The following SPECC1 variants were observed in gnomAD, a reference collection of about 807,000 sequenced individuals.
SPECC1 encodes sperm antigen with calponin homology and coiled-coil domains 1.
SPECC1 carries 62 observed loss-of-function variants against 104.1 expected under a neutral mutation model. The observed-to-expected ratio is 0.60, with a 90% CI of 0.49 to 0.74. SPECC1 has a LOEUF of 0.74. SPECC1 is among the 30% of genes least tolerant of loss of function. SPECC1 has a pLI of 0.00. For synonymous variants in SPECC1, 513 were observed against 501.6 expected (o/e 1.02, Z -0.30); for missense variants, 1,306 against 1,310.5 (o/e 1.00, Z 0.05).
At chr17:20,166,938 T>A (rs1338058776) in intron 3 of SPECC1, among the ~76,000 whole-genome samples, 1 of 151,834 alleles carries the variant, frequency 6.6e-6, no homozygotes, top group Non-Finnish European at 1.5e-5. Flanking sequence ...TGAGACACCA[T>A]CTGTACAAAA....
chr17:20,086,059 C>G (rs1202168514), intron 1 of SPECC1, among the ~76,000 whole-genome samples: 1 of 150,076 alleles, frequency 6.7e-6, no homozygotes, highest in Non-Finnish European at 1.5e-5. Context: ...CTCTACCTGG[C>G]CAGGCACTTT....
chr17:20,010,076 T>C (rs2043884708), intron 1 of SPECC1: 1 of 151,156 alleles, frequency 6.6e-6, no homozygotes, highest in Non-Finnish European at 1.5e-5. Context: ...GGTGCGGACC[T>C]GCGGGCGTGC....
rs2036688323 is a variant in SPECC1, at chr17:20,205,099, T to C, written c.1050T>C (p.Phe350=). ...CCCTGTCCTCCACCAGTAACCCCTT[T>C]AAGAGTTCAAAGTGTTCTACTGCTG... ...SRPLSSTSNP[F]KSSKCSTAGS... The change falls in exon 4 of 15, where the codon TTT becomes TTC. Residue 350 remains phenylalanine (F), a synonymous_variant. Transcript: ENST00000395527. 1 of 1,614,030 alleles carries C rather than the reference T, an allele frequency of 6.2e-7. No individual in the cohort carries two copies. The highest frequency in any genetic ancestry group is 1.1e-5 in the South Asian group (1 of 91,076).
rs906973497 is a variant in SPECC1 at position 20,288,356 on chromosome 17, G to A, written c.2941-8605G>A. On this transcript the variant is annotated intron_variant, in intron 12 of 14. Transcript: ENST00000395527. The stretch of plus-strand genomic sequence containing the variant: ...ATGGTTTTTCTTCTAGATCTTTGAG[G>A]ACTACAAGGAACTTAAACAAATTTA... Among the ~76,000 whole-genome samples the A allele has an allele frequency of 2.0e-5, 3 of 151,762 alleles. No individual in the cohort carries two copies. In the East Asian group the frequency reaches 5.8e-4, roughly 29 times the overall value.
intron 13 of SPECC1, among the ~76,000 whole-genome samples, chr17:20,303,252 T>A (rs757150027): frequency 4.6e-5 from 7 of 152,218 alleles, no homozygotes; most frequent in Non-Finnish European, 1.0e-4. Context: ...AATAGGAGAT[T>A]GCTGCCATTA....
intron 3 of SPECC1, among the ~76,000 whole-genome samples, chr17:20,187,090 G>A (rs1336741988): frequency 1.3e-5 from 2 of 151,886 alleles, no homozygotes; most frequent in African/African-American, 4.8e-5. Context: ...TAGCAATTGA[G>A]CATCCCTAAT....
intron 1 of SPECC1, among the ~76,000 whole-genome samples, chr17:20,026,562 C>T (rs913158158): frequency 2.0e-5 from 3 of 149,572 alleles, no homozygotes; most frequent in Non-Finnish European, 2.9e-5. Flanking sequence ...TTACTTATTT[C>T]ATTAAATATA....
intron 12 of SPECC1, among the ~76,000 whole-genome samples, chr17:20,278,727 T>C (rs1221053313): frequency 1.3e-5 from 2 of 151,908 alleles, no homozygotes; most frequent in Non-Finnish European, 2.9e-5. Flanking sequence ...CTCTTTTTTT[T>C]TTTAAAGGTT....
chr17:20,086,682 G>A (rs1005078105), intron 1 of SPECC1, among the ~76,000 whole-genome samples: 5 of 152,154 alleles, frequency 3.3e-5, no homozygotes, highest in African/African-American at 1.2e-4. Context: ...GAGGGGCAGT[G>A]GACGTGGTGA....
chr17:20,046,874 G>C (rs944034774), intron 1 of SPECC1, among the ~76,000 whole-genome samples: 1 of 137,684 alleles, frequency 7.3e-6, no homozygotes, highest in African/African-American at 2.7e-5. Context: ...CGTGGGGTGG[G>C]GGGTGGGAAG....
At chr17:20,013,567 T>C (rs975912483) in intron 1 of SPECC1, among the ~76,000 whole-genome samples, 10 of 152,172 alleles carry the variant, frequency 6.6e-5, no homozygotes, top group Non-Finnish European at 1.2e-4. Flanking sequence ...AGTGGCACGA[T>C]CTCCGCTCAC....
At chr17:20,259,754 T>C (rs1269928557) in intron 11 of SPECC1, among the ~76,000 whole-genome samples, 1 of 152,156 alleles carries the variant, frequency 6.6e-6, no homozygotes. Context: ...TCAAGAGATC[T>C]TCTTCCCTTG....
intron 3 of SPECC1, among the ~76,000 whole-genome samples, chr17:20,175,379 T>C (rs1426459188): frequency 6.6e-6 from 1 of 152,244 alleles, no homozygotes; most frequent in East Asian, 1.9e-4. Context: ...TGCTTTTGTT[T>C]ACTGCAAGTT....
intron 1 of SPECC1, among the ~76,000 whole-genome samples, chr17:20,031,773 T>G (rs2044824470): frequency 6.6e-6 from 1 of 152,264 alleles, no homozygotes; most frequent in Non-Finnish European, 1.5e-5. Flanking sequence ...CTTTTGTGGC[T>G]GGCTTATTTC....
intron 5 of SPECC1, among the ~76,000 whole-genome samples, chr17:20,230,664 A>G (rs2038517163): frequency 6.6e-6 from 1 of 152,224 alleles, no homozygotes; most frequent in East Asian, 1.9e-4. Context: ...ATCATCATAT[A>G]TCCAAGACTG....
intron 3 of SPECC1, among the ~76,000 whole-genome samples, chr17:20,176,632 T>G (rs1294637523): frequency 6.6e-6 from 1 of 152,134 alleles, no homozygotes; most frequent in Non-Finnish European, 1.5e-5. Flanking sequence ...GAATATCAGT[T>G]TCCTTGCCTT....
intron 3 of SPECC1, among the ~76,000 whole-genome samples, chr17:20,197,122 A>ATT (rs1464406732): frequency 6.6e-6 from 1 of 152,196 alleles, no homozygotes; most frequent in Non-Finnish European, 1.5e-5. Flanking sequence ...TCTTAATTGG[A>ATT]TTACTGGCTT....
intron 3 of SPECC1, among the ~76,000 whole-genome samples, chr17:20,172,524 G>A (rs972243762): frequency 2.6e-5 from 4 of 152,122 alleles, no homozygotes; most frequent in Non-Finnish European, 4.4e-5. Flanking sequence ...TAAACCCCAG[G>A]GCTTGGTTGG....
intron 1 of SPECC1, among the ~76,000 whole-genome samples, chr17:20,018,452 G>T (rs929861853): frequency 6.6e-6 from 1 of 152,202 alleles, no homozygotes; most frequent in Non-Finnish European, 1.5e-5. Context: ...GTGCATTGGC[G>T]CAGTCATAGG....
Sources: gnomAD v4.1 joint callset for allele counts (sites outside exome capture counted in the v4.1 genomes callset) on GRCh38, gnomAD v4.1.1 for gene constraint, MANE v1.5 for transcripts, NCBI Gene and HGNC (gene_info 2026-07-23, HGNC 2026-07-21) for gene names.